KSR1: variants seen among roughly 807,000 people sequenced by gnomAD.
KSR1 encodes the protein kinase suppressor of ras.
In KSR1, 35 loss-of-function variants were observed where a neutral mutation model predicts 92.9. That is an observed-to-expected ratio of 0.38 (90% confidence interval 0.29 to 0.50). The LOEUF (loss-of-function observed/expected upper bound fraction) is 0.50, where lower values mean the gene tolerates loss of function less well. Ranked by LOEUF, KSR1 falls within the 20% of genes least tolerant of loss-of-function variation. The probability of loss-of-function intolerance (pLI) is 0.94; values close to 1 mark genes in which losing one functional copy is unlikely to be tolerated. For synonymous variants in KSR1, 467 were observed against 472.6 expected, an observed-to-expected ratio of 0.99 and a Z score of 0.15; for missense variants, 972 against 1,158.5, an observed-to-expected ratio of 0.84 and a Z score of 2.34.
intron 1 of KSR1, among the ~76,000 whole-genome samples, chr17:27,498,179 A>T (rs2069054394): frequency 6.6e-6 from 1 of 151,778 alleles, no homozygotes; most frequent in African/African-American, 2.4e-5. Context: ...AAAATACAAA[A>T]TTTAGCCGAG....
intron 10 of KSR1, among the ~76,000 whole-genome samples, chr17:27,597,905 C>T (rs891673534): frequency 1.3e-5 from 2 of 152,164 alleles, no homozygotes; most frequent in South Asian, 2.1e-4. Context: ...GGAGACCTCT[C>T]GTTCCCTTTA....
chr17:27,550,009 T>G (rs1215899999), intron 1 of KSR1, among the ~76,000 whole-genome samples: 2 of 152,150 alleles, frequency 1.3e-5, no homozygotes, highest in Non-Finnish European at 2.9e-5. Context: ...ATATTAGCAA[T>G]TACCAACTCC....
rs1308213984 is a variant in KSR1 at position 27,577,200 on chromosome 17, C to T, written c.373-292C>T. Among the ~76,000 whole-genome samples the T allele has an allele frequency of 4.6e-5, 7 of 152,016 alleles. No individual in the cohort carries two copies. Among genetic ancestry groups the T allele is most frequent in the Non-Finnish European group, 1.0e-4 (7 of 67,996 alleles). ...TATGACTCGCTGTTTTTTTTCTGTG[C>T]AGAGGAGTAAGAAGAAACAAGCTGG... On this transcript the variant is annotated intron_variant, in intron 2 of 20. Coordinates refer to ENST00000644974, the MANE Select transcript of KSR1 (RefSeq NM_001394583.1). The surrounding 1 kb of genome is among the most constrained non-coding windows in gnomAD (Gnocchi z 4.5).
chr17:27,460,320 AT>A (rs1346407472), intron 1 of KSR1, among the ~76,000 whole-genome samples: 1 of 152,082 alleles, frequency 6.6e-6, no homozygotes, highest in Non-Finnish European at 1.5e-5. Context: ...CCTCATGGAG[AT>A]TTATGTTCCA....
At chr17:27,618,751 C>G (rs1448322545) in intron 19 of KSR1, among the ~76,000 whole-genome samples, 1 of 152,206 alleles carries the variant, frequency 6.6e-6, no homozygotes, top group South Asian at 2.1e-4. Flanking sequence ...GAAAGTGAAT[C>G]GCTTCATCTC....
At chr17:27,515,611 GTTTTTTT>G (rs770675553) in intron 1 of KSR1, among the ~76,000 whole-genome samples, 4 of 109,050 alleles carry the variant, frequency 3.7e-5, no homozygotes, top group East Asian at 2.8e-4. Flanking sequence ...CTGCTTCGTA[GTTTTTTT>G]TTTTTTTTTT....
intron 1 of KSR1, among the ~76,000 whole-genome samples, chr17:27,505,034 G>A (rs1597900208): frequency 6.6e-6 from 1 of 152,170 alleles, no homozygotes; most frequent in African/African-American, 2.4e-5. Context: ...TGCCCTTATG[G>A]GTCAGAAAGG....
At chr17:27,515,611 G>GTTTTTT (rs770675553) in intron 1 of KSR1, among the ~76,000 whole-genome samples, 2 of 109,048 alleles carry the variant, frequency 1.8e-5, no homozygotes, top group Non-Finnish European at 1.9e-5. Context: ...CTGCTTCGTA[G>GTTTTTT]TTTTTTTTTT....
chr17:27,577,008 A>T lies in KSR1; in HGVS notation c.373-484A>T, dbSNP rs1356781195. 6.6e-6 allele frequency among the ~76,000 whole-genome samples: 1 copy of T among 150,498 alleles called. No individual in the cohort carries two copies. Among genetic ancestry groups the T allele is most frequent in the East Asian group, 1.9e-4 (1 of 5,154 alleles). ...GAAAAGTTTTGATAGAAATCAGGTG[A>T]GGCAGTAAGTGCCTCTGCAGTGTTT... On this transcript the variant is annotated intron_variant, in intron 2 of 20. Coordinates refer to ENST00000644974, the MANE Select transcript of KSR1 (RefSeq NM_001394583.1). This position sits in a 1 kb window ranked among gnomAD's most constrained non-coding sequence, Gnocchi z 4.5.
intron 20 of KSR1, chr17:27,623,063 C>T: frequency 1.7e-6 from 1 of 573,940 alleles, no homozygotes. Flanking sequence ...CAGTACTGAG[C>T]ATGCTGGGAG....
At chr17:27,600,597 G>A (rs563986604) in intron 10 of KSR1, among the ~76,000 whole-genome samples, 12 of 152,256 alleles carry the variant, frequency 7.9e-5, no homozygotes, top group African/African-American at 2.2e-4. Context: ...TTGTAGTTCC[G>A]TGGATTATTT....
At chr17:27,611,672 G>A in intron 18 of KSR1, 43 bp downstream of exon 18, 1 of 1,611,292 alleles carries the variant, frequency 6.2e-7, no homozygotes, top group South Asian at 1.1e-5. Flanking sequence ...GGCTGGAGGT[G>A]GGGTGGGGCA....
At chr17:27,532,873 A>G (rs2070597291) in intron 1 of KSR1, among the ~76,000 whole-genome samples, 1 of 152,188 alleles carries the variant, frequency 6.6e-6, no homozygotes, top group Admixed American at 6.5e-5. Flanking sequence ...CAGCCTTCAA[A>G]CTGTGGAAGG....
At position 27,610,033 on chromosome 17, in the gene KSR1, G is replaced by C. The variant is rs371898493; in HGVS notation, c.2226-34G>C. ...AGGCCTCTTTGCTGCCTGCTGAAAG[G>C]CCTGTGTCCTTGTCCCGGCTTCCTG... On this transcript the variant is annotated intron_variant, in intron 16 of 20. Transcript: ENST00000644974. 7.0e-5 allele frequency: 113 copies of C among 1,612,052 alleles called. No individual in the cohort carries two copies. In the African/African-American group the frequency reaches 1.1e-3, roughly 16 times the overall value.
At chr17:27,555,490 C>T (rs191235101) in intron 2 of KSR1, among the ~76,000 whole-genome samples, 1 of 148,110 alleles carries the variant, frequency 6.8e-6, no homozygotes, top group East Asian at 2.0e-4. Flanking sequence ...GTGACATTGC[C>T]CATCCTTCAG....
In KSR1 at chr17:27,526,042, C is replaced by CTTTTCTTTTCTTTTCT. The variant is rs60220711; in HGVS notation, c.232-24523_232-24522insTCTTTTCTTTTCTTTT. Among the ~76,000 whole-genome samples the CTTTTCTTTTCTTTTCT allele has an allele frequency of 2.1e-3, 217 of 105,326 alleles. 1 individual carries two copies. The highest frequency in any genetic ancestry group is 3.0e-3 in the Non-Finnish European group (167 of 56,256). 69.1% of individuals were successfully genotyped at this position (105,326 alleles called of 152,430 possible). ...CTTTTCTTTTCTTTTCTTTTCTTTT[C>CTTTTCTTTTCTTTTCT]TTTCTCTCTCTCTCTCTCTCTTTCT... On this transcript the variant is annotated intron_variant, in intron 1 of 20. Transcript: ENST00000644974.
At chr17:27,475,193 C>T (rs1012311471) in intron 1 of KSR1, among the ~76,000 whole-genome samples, 4 of 151,914 alleles carry the variant, frequency 2.6e-5, no homozygotes, top group African/African-American at 9.7e-5. Flanking sequence ...AGGGGTGAGG[C>T]CACAAGGGGC....
At chr17:27,556,476 C>T (rs186390799) in intron 2 of KSR1, among the ~76,000 whole-genome samples, 15 of 152,308 alleles carry the variant, frequency 9.8e-5, no homozygotes, top group African/African-American at 3.4e-4. Context: ...CCTGCCTCAG[C>T]CTCCCAAAGT....
intron 1 of KSR1, among the ~76,000 whole-genome samples, chr17:27,461,322 C>T (rs1319083457): frequency 6.6e-6 from 1 of 152,212 alleles, no homozygotes; most frequent in East Asian, 1.9e-4. Flanking sequence ...CTCAAGTGAT[C>T]TACCCACCTT....
Sources: gnomAD v4.1 joint callset for allele counts (sites outside exome capture counted in the v4.1 genomes callset) on GRCh38, gnomAD v4.1.1 for gene constraint, Gnocchi (gnomAD v3.1) non-coding constraint, MANE v1.5 for transcripts, NCBI Gene and HGNC (gene_info 2026-07-23, HGNC 2026-07-21) for gene names.